The following DOCK10 variants were observed in gnomAD, a reference collection of about 807,000 sequenced individuals.
DOCK10 encodes the protein dedicator of cytokinesis 10.
A neutral mutation model predicts 280.1 loss-of-function variants in DOCK10; 145 were observed. The observed-to-expected ratio is 0.52, with a 90% CI of 0.45 to 0.59. DOCK10 has a LOEUF of 0.59. Among genes scored for constraint, DOCK10 ranks in the 20% least tolerant of loss-of-function variants. The pLI, the probability that DOCK10 is intolerant of heterozygous loss-of-function variation, is 0.00. For synonymous variants in DOCK10, 915 were observed against 942.2 expected (o/e 0.97, Z 0.53); for missense variants, 2,368 against 2,651.7 (o/e 0.89, Z 2.35).
intron 19 of DOCK10, 135 bp downstream of exon 19, chr2:224,849,372 T>G: frequency 3.9e-6 from 2 of 518,606 alleles, no homozygotes; most frequent in Non-Finnish European, 3.4e-6. Context: ...TTAGAAATAT[T>G]GGTAAGTACA....
chr2:224,849,843 G>A (rs1040510597), intron 18 of DOCK10, among the ~76,000 whole-genome samples: 2 of 152,116 alleles, frequency 1.3e-5, no homozygotes, highest in Non-Finnish European at 2.9e-5. Context: ...AATACGCCAG[G>A]GCCAAATACC....
At chr2:224,779,950 T>A (rs867157341) in intron 50 of DOCK10, among the ~76,000 whole-genome samples, 1 of 152,166 alleles carries the variant, frequency 6.6e-6, no homozygotes, top group African/African-American at 2.4e-5. Context: ...GCATGCCCAG[T>A]GTTTAGCACA....
chr2:224,794,865 C>A lies in DOCK10; in HGVS notation c.5154+14G>T. The A allele has an allele frequency of 6.2e-7, 1 of 1,612,494 alleles. No homozygotes were observed. Among genetic ancestry groups the A allele is most frequent in the Non-Finnish European group, 8.5e-7 (1 of 1,179,492 alleles). On this transcript the variant is annotated intron_variant, in intron 45 of 55. Coordinates refer to ENST00000258390, the MANE Select transcript of DOCK10 (RefSeq NM_014689.3). Reference sequence around the variant, plus strand: ...ACAATACTGATGGTAAATGACCAAGCCTTGGCTAATCACCTCAGATAAATC... The same window carrying A: ...ACAATACTGATGGTAAATGACCAAGACTTGGCTAATCACCTCAGATAAATC...
chr2:224,943,984 C>T (rs1056316111), intron 1 of DOCK10, among the ~76,000 whole-genome samples: 1 of 152,198 alleles, frequency 6.6e-6, no homozygotes, highest in East Asian at 1.9e-4. Context: ...AGGATGGTCT[C>T]CATCTCCTGA....
intron 2 of DOCK10, among the ~76,000 whole-genome samples, chr2:224,917,101 C>CTTTTTTTTTTTTTTTTTTTTTT (rs58223345): frequency 2.1e-5 from 2 of 95,778 alleles, no homozygotes; most frequent in African/African-American, 4.5e-5. Flanking sequence ...CTATTGGAAT[C>CTTTTTTTTTTTTTTTTTTTTTT]TTTTTTTTTT....
intron 1 of DOCK10, among the ~76,000 whole-genome samples, chr2:225,040,542 GT>G: frequency 6.7e-6 from 1 of 149,652 alleles, no homozygotes; most frequent in Admixed American, 6.7e-5. Context: ...GTGTGTGTGT[GT>G]GTGGTGTAGA....
chr2:224,973,709 C>A (rs1018009001), intron 1 of DOCK10, among the ~76,000 whole-genome samples: 2 of 152,146 alleles, frequency 1.3e-5, no homozygotes, highest in Non-Finnish European at 2.9e-5. Flanking sequence ...TTTATTACAG[C>A]AGAAATAGGA....
chr2:224,838,393 A>G (rs1466121755), intron 24 of DOCK10, among the ~76,000 whole-genome samples: 1 of 152,144 alleles, frequency 6.6e-6, no homozygotes, highest in South Asian at 2.1e-4. Flanking sequence ...CTTTTTTCAC[A>G]TTAACACTAC....
At chr2:224,945,455 G>T (rs1385042427) in intron 1 of DOCK10, among the ~76,000 whole-genome samples, 1 of 152,060 alleles carries the variant, frequency 6.6e-6, no homozygotes, top group Non-Finnish European at 1.5e-5. Context: ...GTGAACAAGG[G>T]TAGGGGCTCA....
intron 1 of DOCK10, among the ~76,000 whole-genome samples, chr2:224,950,727 A>C (rs548866627): frequency 1.3e-4 from 20 of 152,362 alleles, no homozygotes; most frequent in Middle Eastern, 3.4e-3. Flanking sequence ...CTAGAACTTA[A>C]GAAAAAGTTA....
chr2:224,965,552 C>T (rs919793650), intron 1 of DOCK10, among the ~76,000 whole-genome samples: 1 of 152,170 alleles, frequency 6.6e-6, no homozygotes, highest in Non-Finnish European at 1.5e-5. Context: ...TGGAAATTAT[C>T]TTATTTCCCT....
intron 1 of DOCK10, among the ~76,000 whole-genome samples, chr2:224,948,448 G>A (rs1423267405): frequency 6.6e-6 from 1 of 152,162 alleles, no homozygotes; most frequent in African/African-American, 2.4e-5. Context: ...TATGTCTTTA[G>A]TGCTAAACAG....
intron 1 of DOCK10, among the ~76,000 whole-genome samples, chr2:225,020,953 A>G (rs1481222084): frequency 6.6e-6 from 1 of 152,254 alleles, no homozygotes. Context: ...CTGCAAAGAT[A>G]TAACAAATCA....
At chr2:224,975,287 G>T (rs2894547) in intron 1 of DOCK10, among the ~76,000 whole-genome samples, 107,381 of 151,992 alleles carry the variant, frequency 0.71, 39,021 homozygotes, top group Middle Eastern at 0.83. Flanking sequence ...GCTTTGGGAT[G>T]CAACTCAAAA....
chr2:225,005,112 GA>G (rs1706532286), intron 1 of DOCK10, among the ~76,000 whole-genome samples: 1 of 152,024 alleles, frequency 6.6e-6, no homozygotes, highest in African/African-American at 2.4e-5. Flanking sequence ...GTTCTCTTTG[GA>G]AAAAAACCTT....
rs369882556 is a variant in DOCK10 at position 224,787,000 on chromosome 2, G to A, written c.5655+22C>T. 22 of 1,550,270 alleles carry A rather than the reference G, an allele frequency of 1.4e-5. No individual in the cohort carries two copies. The highest frequency in any genetic ancestry group is 9.5e-5 in the African/African-American group (7 of 73,560). On this transcript the variant is annotated intron_variant, in intron 50 of 55. Coordinates refer to ENST00000258390, the MANE Select transcript of DOCK10 (RefSeq NM_014689.3). This position sits in a 1 kb window ranked among gnomAD's most constrained non-coding sequence, Gnocchi z 4.7. ...AACTGCTCAGCAGAATTTATGGGCC[G>A]TGTTATTTCTGGTGAACTTACCTGC...
chr2:225,038,825 C>T (rs913845170), intron 1 of DOCK10, among the ~76,000 whole-genome samples: 1 of 150,228 alleles, frequency 6.7e-6, no homozygotes, highest in Non-Finnish European at 1.5e-5. Context: ...GCTTCCTTTC[C>T]ATCATCTGAC....
chr2:224,933,981 C>G (rs1435292965), intron 1 of DOCK10, among the ~76,000 whole-genome samples: 1 of 152,110 alleles, frequency 6.6e-6, no homozygotes. Context: ...TACCTAAAAT[C>G]AATCCCACCT....
chr2:224,885,991 C>T (rs1459204264), intron 6 of DOCK10, 72 bp downstream of exon 6: 8 of 1,599,760 alleles, frequency 5.0e-6, no homozygotes, highest in Non-Finnish European at 8.5e-7. Context: ...TGGCTCTCTT[C>T]TGTGCTGTGA....
Sources: allele counts gnomAD v4.1 joint callset (sites outside exome capture counted in the v4.1 genomes callset), GRCh38; gene constraint gnomAD v4.1.1; non-coding constraint Gnocchi (gnomAD v3.1); transcripts MANE v1.5; gene names NCBI Gene and HGNC (gene_info 2026-07-23, HGNC 2026-07-21).